PDE9A: variants seen among roughly 807,000 people sequenced by gnomAD.
The protein encoded by PDE9A is high affinity cGMP-specific 3',5'-cyclic phosphodiesterase 9A.
Under a neutral mutation model 87.4 loss-of-function variants are expected in PDE9A, and 60 were observed. The ratio of observed to expected loss-of-function variants is 0.69; its 90% CI spans 0.56 to 0.85. PDE9A has a LOEUF of 0.85. Ranked by LOEUF, PDE9A falls within the 40% of genes least tolerant of loss-of-function variation. PDE9A has a pLI of 0.00. For synonymous variants in PDE9A, 272 were observed against 279.4 expected, an observed-to-expected ratio of 0.97 and a Z score of 0.27; for missense variants, 665 against 779.0, an observed-to-expected ratio of 0.85 and a Z score of 1.74.
chr21:42,731,523 T>C (rs557274687), intron 4 of PDE9A, among the ~76,000 whole-genome samples: 1 of 152,130 alleles, frequency 6.6e-6, no homozygotes, highest in African/African-American at 2.4e-5. Flanking sequence ...CAGGTTCCAT[T>C]GAGCCTGGGA....
In PDE9A at chr21:42,723,125, C is replaced by A. The variant is rs1224389440; in HGVS notation, c.263-8645C>A. ...AGGAATGAGGCTGGCAGCCCATAGG[C>A]CCCTCCTTGGTCCCTCTAGAGGTTT... On this transcript the variant is annotated intron_variant, in intron 4 of 19. Coordinates refer to ENST00000291539, the MANE Select transcript of PDE9A (RefSeq NM_002606.3). The surrounding 1 kb of genome is among the most constrained non-coding windows in gnomAD (Gnocchi z 4.3). 6.6e-6 allele frequency among the ~76,000 whole-genome samples: 1 copy of A among 152,220 alleles called. No homozygotes were observed. Among genetic ancestry groups the A allele is most frequent in the African/African-American group, 2.4e-5 (1 of 41,464 alleles).
rs957665595 is a variant in PDE9A at position 42,768,816 on chromosome 21, C to T, written c.1462-211C>T. 1.2e-5 allele frequency: 12 copies of T among 985,482 alleles called. No individual in the cohort carries two copies. In the African/African-American group the frequency reaches 2.1e-4, roughly 17 times the overall value. The allele number at this position is 985,482 out of a possible 1,614,324, so 61.0% of individuals were successfully genotyped here. A position where few individuals can be genotyped will look rare whatever the true frequency, so the allele number is the denominator to read the frequency against. On this transcript the variant is annotated intron_variant, in intron 16 of 19. Coordinates refer to ENST00000291539, the MANE Select transcript of PDE9A (RefSeq NM_002606.3). ...CCATCCAACTCACCTCTGCCTATCT[C>T]TCAGGTCGGTCTTCCCAGCTAGACC...
Position 42,660,305 on chromosome 21 carries a change from A to G in PDE9A, c.69+6422A>G, listed in dbSNP as rs888848599. ...CTTGGCTTTCTCCCCAGACAAACCC[A>G]CCCTGAGCTCAGGATCCCTCCAGCT... On this transcript the variant is annotated intron_variant, in intron 1 of 19. Coordinates refer to ENST00000291539, the MANE Select transcript of PDE9A (RefSeq NM_002606.3). This position sits in a 1 kb window ranked among gnomAD's most constrained non-coding sequence, Gnocchi z 4.7. 2.9e-4 allele frequency among the ~76,000 whole-genome samples: 44 copies of G among 152,260 alleles called. No homozygotes were observed. Among genetic ancestry groups the G allele is most frequent in the African/African-American group, 9.9e-4 (41 of 41,552 alleles).
chr21:42,712,705 A>G (rs2049463761), intron 4 of PDE9A, among the ~76,000 whole-genome samples: 1 of 152,128 alleles, frequency 6.6e-6, no homozygotes, highest in Non-Finnish European at 1.5e-5. Flanking sequence ...TAGTTTTCTG[A>G]GAGTTTTTTG....
intron 8 of PDE9A, among the ~76,000 whole-genome samples, chr21:42,745,900 G>T (rs2053797384): frequency 6.6e-6 from 1 of 152,206 alleles, no homozygotes; most frequent in Non-Finnish European, 1.5e-5. Context: ...CGGCCTCTGG[G>T]CCCCATATGG....
chr21:42,667,281 CAGAG>C (rs905966652), intron 1 of PDE9A, among the ~76,000 whole-genome samples: 5 of 152,198 alleles, frequency 3.3e-5, no homozygotes, highest in African/African-American at 4.8e-5. Context: ...CCATGGAAAA[CAGAG>C]AGACAATATA....
intron 4 of PDE9A, chr21:42,724,442 A>T (rs2050830969): frequency 5.4e-6 from 1 of 183,666 alleles, no homozygotes; most frequent in Admixed American, 6.5e-5. Flanking sequence ...CAGGAATTCC[A>T]ATGATTCTAG....
At chr21:42,713,761 A>G (rs1379763231) in intron 4 of PDE9A, among the ~76,000 whole-genome samples, 1 of 152,158 alleles carries the variant, frequency 6.6e-6, no homozygotes, top group African/African-American at 2.4e-5. Context: ...CATTCTCACC[A>G]CAAAAAAAAA....
rs1203269107 is a variant in PDE9A, at chr21:42,699,001, G to A, written c.252G>A (p.Lys84=). The change falls in exon 4 of 20, where the codon AAG becomes AAA. Residue 84 remains lysine (K), a synonymous_variant. Coordinates refer to ENST00000291539, the MANE Select transcript of PDE9A (RefSeq NM_002606.3). ...TPYKVRPVAI[K]QLSAGVEDKR... is the part of the protein sequence containing the mutation. ...ACAAAGTGAGACCTGTGGCCATCAA[G>A]CAACTCTCCGGTAAGGCCCTGCTGT... The A allele has an allele frequency of 1.9e-6, 3 of 1,611,336 alleles. No individual in the cohort carries two copies. Among genetic ancestry groups the A allele is most frequent in the African/African-American group, 1.3e-5 (1 of 74,856 alleles).
chr21:42,653,762 G>T lies in PDE9A; in HGVS notation c.-53G>T. ...CTCCCCTCCCCCGCCTCCCGCGGCG[G>T]CTGGCGTCGGGAAAGTACAGTAAAA... is the stretch of plus-strand genomic sequence containing the variant. On this transcript the variant is annotated 5_prime_UTR_variant, in exon 1 of 20. Coordinates refer to ENST00000291539, the MANE Select transcript of PDE9A (RefSeq NM_002606.3). The T allele has an allele frequency of 9.1e-7, 1 of 1,102,144 alleles. No individual in the cohort carries two copies. The highest frequency in any genetic ancestry group is 1.5e-5 in the South Asian group (1 of 67,898). The allele number at this position is 1,102,144 out of a possible 1,614,324, so 68.3% of individuals were successfully genotyped here. A position where few individuals can be genotyped will look rare whatever the true frequency, so the allele number is the denominator to read the frequency against.
At position 42,696,024 on chromosome 21, in the gene PDE9A, C is replaced by T. The variant is rs2060124311; in HGVS notation, c.219-2944C>T. On this transcript the variant is annotated intron_variant, in intron 3 of 19. Transcript: ENST00000291539. This position sits in a 1 kb window ranked among gnomAD's most constrained non-coding sequence, Gnocchi z 5.1. Reference sequence around the variant, plus strand: ...CATTCACAGAGGCTCCCTGTCCGTCCACTTTTCCCTCTGTTGCTGATGTGA... The same window carrying T: ...CATTCACAGAGGCTCCCTGTCCGTCTACTTTTCCCTCTGTTGCTGATGTGA... Among the ~76,000 whole-genome samples, 1 of 152,238 alleles carries T rather than the reference C, an allele frequency of 6.6e-6. No homozygotes were observed. The highest frequency in any genetic ancestry group is 1.5e-5 in the Non-Finnish European group (1 of 68,044).
intron 4 of PDE9A, among the ~76,000 whole-genome samples, chr21:42,721,642 C>G (rs1485555271): frequency 6.6e-6 from 1 of 152,172 alleles, no homozygotes; most frequent in Non-Finnish European, 1.5e-5. Flanking sequence ...CATCCTCAGC[C>G]AGTTGAATAG....
chr21:42,678,865 G>T (rs2058999943), intron 1 of PDE9A, among the ~76,000 whole-genome samples: 1 of 152,366 alleles, frequency 6.6e-6, no homozygotes, highest in East Asian at 1.9e-4. Context: ...GACAGGGCTG[G>T]GGGAGGCAGC....
intron 19 of PDE9A, among the ~76,000 whole-genome samples, chr21:42,773,874 G>A (rs1282797595): frequency 6.6e-6 from 1 of 151,204 alleles, no homozygotes; most frequent in Non-Finnish European, 1.5e-5. Flanking sequence ...GGAGGCCAAG[G>A]TGGACGGATC....
chr21:42,738,521 C>T (rs975993163), intron 7 of PDE9A, among the ~76,000 whole-genome samples: 1 of 151,970 alleles, frequency 6.6e-6, no homozygotes, highest in Non-Finnish European at 1.5e-5. Flanking sequence ...GCTCGGCTCT[C>T]CCCACCCTCC....
At chr21:42,773,493 C>T (rs781693608) in intron 19 of PDE9A, among the ~76,000 whole-genome samples, 3 of 152,078 alleles carry the variant, frequency 2.0e-5, no homozygotes, top group Non-Finnish European at 4.4e-5. Context: ...GCAGAGCAGC[C>T]GTTTGTTCAC....
intron 14 of PDE9A, among the ~76,000 whole-genome samples, chr21:42,763,774 C>T (rs1298674757): frequency 6.6e-6 from 1 of 152,214 alleles, no homozygotes; most frequent in Non-Finnish European, 1.5e-5. Context: ...GGAAGATACT[C>T]ACCACCCTCC....
At chr21:42,726,619 T>TAA (rs2051107914) in intron 4 of PDE9A, among the ~76,000 whole-genome samples, 1 of 36,874 alleles carries the variant, frequency 2.7e-5, no homozygotes, top group African/African-American at 1.9e-4. Flanking sequence ...TATATATATA[T>TAA]ATATATTTTT....
intron 4 of PDE9A, among the ~76,000 whole-genome samples, chr21:42,714,343 A>G (rs191724823): frequency 3.3e-3 from 504 of 152,262 alleles, no homozygotes; most frequent in Non-Finnish European, 5.4e-3. Flanking sequence ...GTACAGATCT[A>G]AACGTATCAC....
Sources: gnomAD v4.1 joint callset for allele counts (sites outside exome capture counted in the v4.1 genomes callset) on GRCh38, gnomAD v4.1.1 for gene constraint, Gnocchi (gnomAD v3.1) non-coding constraint, MANE v1.5 for transcripts, NCBI Gene and HGNC (gene_info 2026-07-23, HGNC 2026-07-21) for gene names.